The following PCGF6 variants were observed in gnomAD, a reference collection of about 807,000 sequenced individuals.
The protein encoded by PCGF6 is polycomb group RING finger protein 6.
Under a neutral mutation model 45.5 loss-of-function variants are expected in PCGF6, and 24 were observed. The observed-to-expected ratio is 0.53, with a 90% CI of 0.38 to 0.74. The LOEUF is 0.74. Ranked by LOEUF, PCGF6 falls within the 30% of genes least tolerant of loss-of-function variation. PCGF6 has a pLI of 0.00. For missense variants in PCGF6, 356 were observed against 443.2 expected, an observed-to-expected ratio of 0.80 and a Z score of 1.77; for synonymous variants, 152 against 162.1, an observed-to-expected ratio of 0.94 and a Z score of 0.47.
intron 1 of PCGF6, 128 bp downstream of exon 1, chr10:103,350,579 G>C (rs979209017): frequency 1.1e-6 from 1 of 947,894 alleles, no homozygotes. Context: ...CAGAGGTCGG[G>C]GGAGGTCCGC....
intron 7 of PCGF6, among the ~76,000 whole-genome samples, chr10:103,330,745 C>T (rs776406512): frequency 2.0e-5 from 3 of 152,092 alleles, no homozygotes; most frequent in African/African-American, 7.2e-5. Flanking sequence ...CTGGCTAACA[C>T]GGTGAAACCC....
intron 9 of PCGF6, among the ~76,000 whole-genome samples, chr10:103,307,973 C>T (rs978974201): frequency 1.1e-4 from 17 of 152,124 alleles, no homozygotes; most frequent in African/African-American, 3.9e-4. Context: ...TGCTGGCTCA[C>T]GCCTGGAATC....
At chr10:103,314,676 G>A (rs1184780405) in intron 8 of PCGF6, among the ~76,000 whole-genome samples, 1 of 152,122 alleles carries the variant, frequency 6.6e-6, no homozygotes, top group Non-Finnish European at 1.5e-5. Context: ...AAGGCCGGGA[G>A]CAGTGGCTCA....
intron 8 of PCGF6, among the ~76,000 whole-genome samples, chr10:103,325,523 C>T (rs1260368889): frequency 6.6e-6 from 1 of 152,172 alleles, no homozygotes; most frequent in Non-Finnish European, 1.5e-5. Context: ...GCTGGGATTA[C>T]AGGCATGAGC....
At position 103,348,720 on chromosome 10, in the gene PCGF6, T is replaced by G. The variant is rs200230704; in HGVS notation, c.553A>C (p.Ile185Leu). The change falls in exon 3 of 10, where the codon ATA becomes CTA. Residue 185 changes from isoleucine (I) to leucine (L), a missense_variant. Coordinates refer to ENST00000369847, the MANE Select transcript of PCGF6 (RefSeq NM_001011663.2). ...VVHQTQPLYN[I>L]RLDRQLQDIV... Reference sequence around the variant, plus strand: ...TAATTTATATATTCTTCTTACCTTATGTTATAAAGAGGTTGTGTCTGATGT... The same window carrying G: ...TAATTTATATATTCTTCTTACCTTAGGTTATAAAGAGGTTGTGTCTGATGT... 1 of 1,546,106 alleles carries G rather than the reference T, an allele frequency of 6.5e-7. No individual in the cohort carries two copies. The highest frequency in any genetic ancestry group is 8.8e-7 in the Non-Finnish European group (1 of 1,130,480).
chr10:103,347,188 G>A (rs1230426574), intron 5 of PCGF6, 50 bp downstream of exon 5: 1 of 1,391,290 alleles, frequency 7.2e-7, no homozygotes, highest in Non-Finnish European at 1.0e-6. Context: ...ATATTTTATT[G>A]TTAGTATTCT....
chr10:103,326,897 G>A (rs1268485713), intron 7 of PCGF6, among the ~76,000 whole-genome samples: 1 of 152,028 alleles, frequency 6.6e-6, no homozygotes, highest in Non-Finnish European at 1.5e-5. Context: ...ATGTTTCATT[G>A]AAAAAACAAA....
intron 9 of PCGF6, among the ~76,000 whole-genome samples, chr10:103,309,938 G>A (rs969692901): frequency 4.6e-5 from 7 of 151,364 alleles, no homozygotes; most frequent in South Asian, 2.1e-4. Flanking sequence ...GCAAAACAGA[G>A]TGAGACCTTG....
In PCGF6 at chr10:103,351,033, C is replaced by G; in HGVS notation, c.34G>C (p.Val12Leu). 1 of 1,395,072 alleles carries G rather than the reference C, an allele frequency of 7.2e-7. No individual in the cohort carries two copies. Among genetic ancestry groups the G allele is most frequent in the South Asian group, 1.7e-5 (1 of 57,666 alleles). The allele number at this position is 1,395,072 out of a possible 1,614,324, so 86.4% of individuals were successfully genotyped here. The change falls in exon 1 of 10, where the codon GTA becomes CTA. Residue 12 changes from valine to leucine, a missense_variant. Physicochemically the swap from Val to Leu is conservative, Grantham distance 32 (BLOSUM62 1). Coordinates refer to ENST00000369847, the MANE Select transcript of PCGF6 (RefSeq NM_001011663.2). ...EGVAVVTAGS[V>L]GAAKTEGAAA... Reference sequence around the variant, plus strand: ...GCTCCCTCGGTTTTGGCAGCGCCTACGCTGCCCGCCGTCACCACCGCGACC... The same window carrying G: ...GCTCCCTCGGTTTTGGCAGCGCCTAGGCTGCCCGCCGTCACCACCGCGACC...
chr10:103,332,273 C>T (rs979406312), intron 7 of PCGF6, among the ~76,000 whole-genome samples: 3 of 152,038 alleles, frequency 2.0e-5, no homozygotes, highest in South Asian at 4.1e-4. Context: ...AAGCAGTAGA[C>T]TAATACTTTA....
intron 1 of PCGF6, among the ~76,000 whole-genome samples, chr10:103,349,348 C>T (rs1387473171): frequency 6.6e-6 from 1 of 151,860 alleles, no homozygotes; most frequent in African/African-American, 2.4e-5. Flanking sequence ...GCGCTCAGTC[C>T]ACCTTCTTCA....
In PCGF6 at chr10:103,339,808, AAAAC is replaced by A. The variant is rs1378230433; in HGVS notation, c.782+5212_782+5215del. On this transcript the variant is annotated intron_variant, in intron 6 of 9. Transcript: ENST00000369847. The stretch of plus-strand genomic sequence containing the variant: ...GCGAAATTCTGTCTGTCTCAAAAAA[AAAAC>A]ACACACACACACACACACACACACA... Among the ~76,000 whole-genome samples, 562 of 78,020 alleles carry A rather than the reference AAAAC, an allele frequency of 7.2e-3. 44 individuals are homozygous for A. The highest frequency in any genetic ancestry group is 0.012 in the African/African-American group (241 of 19,760). The allele number at this position is 78,020 out of a possible 152,430, so 51.2% of individuals were successfully genotyped here.
intron 6 of PCGF6, among the ~76,000 whole-genome samples, chr10:103,338,336 G>A (rs1338579781): frequency 1.3e-5 from 2 of 151,924 alleles, no homozygotes; most frequent in East Asian, 1.9e-4. Flanking sequence ...GAGGTCAGGA[G>A]ATCGAGACCA....
At chr10:103,338,863 C>T (rs1480872139) in intron 6 of PCGF6, among the ~76,000 whole-genome samples, 2 of 151,780 alleles carry the variant, frequency 1.3e-5, no homozygotes, top group East Asian at 1.9e-4. Flanking sequence ...AGTGAAACTC[C>T]GTCTCAAAAG....
intron 3 of PCGF6, 138 bp downstream of exon 3, chr10:103,348,578 G>C: frequency 1.6e-6 from 1 of 641,684 alleles, no homozygotes; most frequent in Non-Finnish European, 2.6e-6. Flanking sequence ...ACTCACCTCG[G>C]CCTCCCAAAG....
chr10:103,308,882 A>G (rs1386984024), intron 9 of PCGF6, among the ~76,000 whole-genome samples: 1 of 152,074 alleles, frequency 6.6e-6, no homozygotes, highest in South Asian at 2.1e-4. Context: ...CTCAAAAAAT[A>G]AATAAATAAA....
intron 1 of PCGF6, among the ~76,000 whole-genome samples, chr10:103,349,340 G>C (rs894639948): frequency 6.6e-6 from 1 of 151,846 alleles, no homozygotes; most frequent in Non-Finnish European, 1.5e-5. Flanking sequence ...GAGCCACCGC[G>C]CTCAGTCCAC....
At chr10:103,345,188 A>T (rs756864870) in intron 5 of PCGF6, 56 bp from the exon 6 acceptor site, 80 of 1,247,678 alleles carry the variant, frequency 6.4e-5, no homozygotes, top group Non-Finnish European at 8.3e-5. Flanking sequence ...ATAAATTGAG[A>T]TCTTTGGAAA....
At chr10:103,344,986 A>C (rs555197349) in intron 6 of PCGF6, 38 bp downstream of exon 6, 6 of 1,370,884 alleles carry the variant, frequency 4.4e-6, no homozygotes, top group Non-Finnish European at 6.1e-6. Flanking sequence ...GACTTTTAAC[A>C]TTCTTTAAGT....
Sources: gnomAD v4.1 joint callset for allele counts (sites outside exome capture counted in the v4.1 genomes callset) on GRCh38, gnomAD v4.1.1 for gene constraint, MANE v1.5 for transcripts, NCBI Gene and HGNC (gene_info 2026-07-23, HGNC 2026-07-21) for gene names.